CNTN5: variants seen among roughly 807,000 people sequenced by gnomAD.
CNTN5 encodes contactin-5.
A neutral mutation model predicts 129.1 loss-of-function variants in CNTN5; 77 were observed. The ratio of observed to expected loss-of-function variants is 0.60; its 90% CI spans 0.50 to 0.72. CNTN5 has a LOEUF of 0.72. CNTN5 is among the 30% of genes least tolerant of loss of function. The pLI is 0.00. For missense variants in CNTN5, 1,478 were observed against 1,328.8 expected (o/e 1.11, Z -1.75); for synonymous variants, 509 against 465.6 (o/e 1.09, Z -1.20).
At chr11:100,056,827 T>C (rs17094247) in intron 9 of CNTN5, among the ~76,000 whole-genome samples, 2,036 of 151,844 alleles carry the variant, frequency 0.013, 59 homozygotes, top group African/African-American at 0.047. Flanking sequence ...TATGGGTTAT[T>C]TTAGTGTACA....
chr11:99,470,817 T>TA (rs150565550), intron 2 of CNTN5, among the ~76,000 whole-genome samples: 7,127 of 151,788 alleles, frequency 0.047, 259 homozygotes, highest in Middle Eastern at 0.075. Flanking sequence ...CAAATTTATT[T>TA]TTTTTTATCA....
rs562599104 is a variant in CNTN5 at position 100,077,409 on chromosome 11, T to A, written c.1580+3115T>A. Among the ~76,000 whole-genome samples the A allele has an allele frequency of 4.6e-5, 7 of 152,284 alleles. 1 individual carries two copies. The South Asian group carries it at 1.4e-3, about 32-fold the overall frequency. ...AGTTAGTGTTGTCCTTCAATAAAAA[T>A]TTTGTTGTTTTGGGTTCATTCCAAA... is the stretch of plus-strand genomic sequence containing the variant. On this transcript the variant is annotated intron_variant, in intron 13 of 24. Transcript: ENST00000524871.
At chr11:99,962,169 T>A (rs1950964454) in intron 8 of CNTN5, among the ~76,000 whole-genome samples, 2 of 152,288 alleles carry the variant, frequency 1.3e-5, no homozygotes, top group South Asian at 4.1e-4. Context: ...AAAACTGTTT[T>A]TATTATACCT....
At chr11:100,265,341 T>C (rs1050070148) in intron 17 of CNTN5, among the ~76,000 whole-genome samples, 1 of 152,110 alleles carries the variant, frequency 6.6e-6, no homozygotes, top group African/African-American at 2.4e-5. Context: ...GTCCACAAGG[T>C]TTGCATGCTC....
At chr11:100,164,457 T>C (rs1318012460) in intron 13 of CNTN5, among the ~76,000 whole-genome samples, 3 of 151,722 alleles carry the variant, frequency 2.0e-5, no homozygotes, top group Non-Finnish European at 4.4e-5. Flanking sequence ...CATGAATAAA[T>C]AGCAAATCAA....
intron 3 of CNTN5, among the ~76,000 whole-genome samples, chr11:99,817,591 G>A (rs1176694000): frequency 3.9e-5 from 5 of 129,398 alleles, no homozygotes; most frequent in African/African-American, 1.4e-4. Context: ...TACTAGTCTG[G>A]GATAGTTTTT....
At chr11:100,117,925 A>T (rs1945892541) in intron 13 of CNTN5, among the ~76,000 whole-genome samples, 2 of 151,892 alleles carry the variant, frequency 1.3e-5, no homozygotes, top group African/African-American at 4.8e-5. Flanking sequence ...TTTACATAGG[A>T]GAACCTGACT....
intron 9 of CNTN5, among the ~76,000 whole-genome samples, chr11:100,019,941 T>C (rs1290011780): frequency 1.3e-5 from 2 of 151,946 alleles, no homozygotes; most frequent in African/African-American, 4.8e-5. Flanking sequence ...TTTGTACCTC[T>C]TTTTTTGAGA....
rs571501838 is a variant in CNTN5, at chr11:99,223,383, G to C, written c.-209-101963G>C. Among the ~76,000 whole-genome samples, 5 of 151,896 alleles carry C rather than the reference G, an allele frequency of 3.3e-5. No homozygotes were observed. In the South Asian group the frequency reaches 1.0e-3, roughly 32 times the overall value. On this transcript the variant is annotated intron_variant, in intron 1 of 24. Transcript: ENST00000524871. ...CTAACATCAATATAAAATTATCTTT[G>C]GATTCATTTTGAACCAAAATATACT...
chr11:99,326,939 T>C (rs1865809847), intron 2 of CNTN5, among the ~76,000 whole-genome samples: 1 of 152,076 alleles, frequency 6.6e-6, no homozygotes, highest in African/African-American at 2.4e-5. Context: ...ATACACAAAA[T>C]AATAATAATA....
At chr11:99,553,683 A>T (rs1948570089) in intron 2 of CNTN5, among the ~76,000 whole-genome samples, 1 of 151,900 alleles carries the variant, frequency 6.6e-6, no homozygotes, top group East Asian at 1.9e-4. Context: ...TGATTTAATT[A>T]TACTATATTT....
At chr11:100,194,288 C>T (rs921143121) in intron 15 of CNTN5, among the ~76,000 whole-genome samples, 1 of 151,782 alleles carries the variant, frequency 6.6e-6, no homozygotes, top group Non-Finnish European at 1.5e-5. Flanking sequence ...TGAAAAGAGG[C>T]CCCTTCCCCA....
intron 6 of CNTN5, among the ~76,000 whole-genome samples, chr11:99,869,916 TC>T: frequency 6.6e-6 from 1 of 152,278 alleles, no homozygotes; most frequent in African/African-American, 2.4e-5. Context: ...AGTTTTAGCC[TC>T]CTGGCTGATG....
At chr11:100,111,831 C>T (rs548525486) in intron 13 of CNTN5, among the ~76,000 whole-genome samples, 1 of 152,222 alleles carries the variant, frequency 6.6e-6, no homozygotes, top group South Asian at 2.1e-4. Context: ...TCATTCCAGT[C>T]TTTGATTGTA....
At chr11:99,038,712 T>C (rs1053011275) in intron 1 of CNTN5, among the ~76,000 whole-genome samples, 4 of 146,362 alleles carry the variant, frequency 2.7e-5, no homozygotes, top group Non-Finnish European at 5.9e-5. Flanking sequence ...TGTCCATAAC[T>C]TCTACAAAGT....
chr11:99,129,129 G>A (rs928819652), intron 1 of CNTN5, among the ~76,000 whole-genome samples: 2 of 152,256 alleles, frequency 1.3e-5, no homozygotes, highest in South Asian at 2.1e-4. Flanking sequence ...AGTAGGCTTC[G>A]GAAAGTGGAT....
At chr11:99,716,230 T>C (rs1314855260) in intron 3 of CNTN5, among the ~76,000 whole-genome samples, 1 of 152,062 alleles carries the variant, frequency 6.6e-6, no homozygotes, top group Non-Finnish European at 1.5e-5. Context: ...TGGAGTACTG[T>C]GCCCAAGGAA....
chr11:100,189,162 C>T (rs10894590), intron 13 of CNTN5, among the ~76,000 whole-genome samples: 25,121 of 151,592 alleles, frequency 0.17, 2,209 homozygotes, highest in Non-Finnish European at 0.21. Context: ...TCAATCAATC[C>T]GAAACCTCAT....
At chr11:99,268,896 T>C (rs1468593738) in intron 1 of CNTN5, among the ~76,000 whole-genome samples, 2 of 151,986 alleles carry the variant, frequency 1.3e-5, no homozygotes, top group Non-Finnish European at 2.9e-5. Context: ...AGCCCTGCTG[T>C]GAAAGGATAG....
Sources: gnomAD v4.1 joint callset for allele counts (sites outside exome capture counted in the v4.1 genomes callset) on GRCh38, gnomAD v4.1.1 for gene constraint, MANE v1.5 for transcripts, NCBI Gene and HGNC (gene_info 2026-07-23, HGNC 2026-07-21) for gene names.